SCNN1B: variants seen among roughly 807,000 people sequenced by gnomAD.
SCNN1B encodes the protein epithelial sodium channel subunit beta.
Under a neutral mutation model 65.3 loss-of-function variants are expected in SCNN1B, and 46 were observed. That is an observed-to-expected ratio of 0.70 (90% CI 0.56 to 0.90). SCNN1B has a LOEUF of 0.90. Among genes scored for constraint, SCNN1B ranks in the 40% least tolerant of loss-of-function variants. The pLI is 0.00. For missense variants in SCNN1B, 751 were observed against 830.5 expected (o/e 0.90, Z 1.18); for synonymous variants, 349 against 330.6 (o/e 1.06, Z -0.60).
intron 1 of SCNN1B, among the ~76,000 whole-genome samples, chr16:23,324,898 C>T (rs1044165620): frequency 6.6e-6 from 1 of 152,254 alleles, no homozygotes; most frequent in Non-Finnish European, 1.5e-5. Flanking sequence ...TTGGCACCCC[C>T]CCAAGTCCTC....
At chr16:23,307,721 G>A (rs1021575102) in intron 1 of SCNN1B, among the ~76,000 whole-genome samples, 2 of 152,168 alleles carry the variant, frequency 1.3e-5, no homozygotes, top group African/African-American at 2.4e-5. Context: ...GTCTCAAAGT[G>A]TAGTCCCCCC....
intron 3 of SCNN1B, chr16:23,353,290 G>T (rs1962350720): frequency 1.7e-6 from 1 of 599,760 alleles, no homozygotes; most frequent in African/African-American, 1.9e-5. Flanking sequence ...ACTAGCTTAA[G>T]CAAAACAGGC....
Position 23,348,974 on chromosome 16 carries a change from TC to T in SCNN1B, c.311+67del. The T allele has an allele frequency of 7.4e-7, 1 of 1,353,656 alleles. No homozygotes were observed. The highest frequency in any genetic ancestry group is 1.2e-5 in the South Asian group (1 of 85,172). 83.9% of individuals were successfully genotyped at this position (1,353,656 alleles called of 1,614,324 possible). The stretch of plus-strand genomic sequence containing the variant: ...AGGCGGTTCTCTTTCTCTCTTTTCT[TC>T]CCTTCTACCTTTCCTTTCCTTCCTT... On this transcript the variant is annotated intron_variant, in intron 2 of 12. Coordinates refer to ENST00000343070, the MANE Select transcript of SCNN1B (RefSeq NM_000336.3). The surrounding 1 kb of genome is among the most constrained non-coding windows in gnomAD (Gnocchi z 4.5).
intron 4 of SCNN1B, among the ~76,000 whole-genome samples, chr16:23,364,282 C>T (rs1321178569): frequency 6.6e-6 from 1 of 152,184 alleles, no homozygotes; most frequent in Non-Finnish European, 1.5e-5. Context: ...TCTAGTCCAT[C>T]ACTTTGCATA....
chr16:23,379,015 A>G (rs944739503), intron 11 of SCNN1B, among the ~76,000 whole-genome samples: 2 of 140,668 alleles, frequency 1.4e-5, no homozygotes, highest in South Asian at 2.3e-4. Context: ...CCATCCATTC[A>G]TCCTCCATCA....
At chr16:23,281,259 C>T (rs1004364348) in intron 1 of SCNN1B, among the ~76,000 whole-genome samples, 1 of 151,900 alleles carries the variant, frequency 6.6e-6, no homozygotes, top group Non-Finnish European at 1.5e-5. Context: ...ATGGTGAAAC[C>T]CCATCTCTAC....
rs1037232341 is a variant in SCNN1B, at chr16:23,304,601, G to A, written c.-9+2164G>A. ...GCAGACAGAAGGAGCTGAGAACCAC[G>A]AACCACGGACTGGCAGATTGGACTG... On this transcript the variant is annotated intron_variant, in intron 1 of 12. Transcript: ENST00000343070. 4.6e-5 allele frequency among the ~76,000 whole-genome samples: 7 copies of A among 152,292 alleles called. No homozygotes were observed. In the East Asian group the frequency reaches 9.6e-4, roughly 21 times the overall value.
chr16:23,378,094 G>A (rs1369015089), intron 10 of SCNN1B, among the ~76,000 whole-genome samples: 4 of 152,048 alleles, frequency 2.6e-5, no homozygotes, highest in Non-Finnish European at 5.9e-5. Flanking sequence ...CTGAAGCCTC[G>A]AACTCCTGGG....
intron 7 of SCNN1B, among the ~76,000 whole-genome samples, chr16:23,373,584 G>A (rs76988171): frequency 6.0e-4 from 91 of 152,216 alleles, no homozygotes; most frequent in Non-Finnish European, 9.7e-4. Context: ...ATGACCACTC[G>A]CTGATACTTC....
At chr16:23,308,635 C>A (rs539717614) in intron 1 of SCNN1B, among the ~76,000 whole-genome samples, 1 of 152,176 alleles carries the variant, frequency 6.6e-6, no homozygotes, top group African/African-American at 2.4e-5. Flanking sequence ...CTTATCTTAT[C>A]TTATTTGTTT....
chr16:23,287,811 C>CG (rs561165162), intron 2 of SCNN1B, among the ~76,000 whole-genome samples: 1 of 141,862 alleles, frequency 7.0e-6, no homozygotes, highest in Non-Finnish European at 1.5e-5. Context: ...GTAGCGTTTC[C>CG]TTTTTTTTTT....
chr16:23,353,108 G>A, intron 3 of SCNN1B, 34 bp downstream of exon 3: 1 of 1,612,350 alleles, frequency 6.2e-7, no homozygotes, highest in South Asian at 1.1e-5. Context: ...CAAGCAATGG[G>A]CCCCACCCAG....
intron 4 of SCNN1B, among the ~76,000 whole-genome samples, chr16:23,361,084 G>A (rs1300302640): frequency 6.6e-6 from 1 of 152,048 alleles, no homozygotes; most frequent in Admixed American, 6.6e-5. Flanking sequence ...ATGAGCCACT[G>A]TGCCCAGCGT....
At chr16:23,309,589 G>T (rs1961297032) in intron 1 of SCNN1B, among the ~76,000 whole-genome samples, 1 of 152,182 alleles carries the variant, frequency 6.6e-6, no homozygotes, top group Non-Finnish European at 1.5e-5. Flanking sequence ...AAGCGGGAAG[G>T]GTCCAGCATG....
At chr16:23,324,917 T>C (rs11645151) in intron 1 of SCNN1B, among the ~76,000 whole-genome samples, 29,279 of 152,252 alleles carry the variant, frequency 0.19, 3,192 homozygotes, top group Middle Eastern at 0.29. Flanking sequence ...TCTTTGTCCA[T>C]TGGGACACAA....
At chr16:23,304,120 A>G (rs1169554696) in intron 1 of SCNN1B, 3 of 1,520,616 alleles carry the variant, frequency 2.0e-6, no homozygotes, top group Non-Finnish European at 2.6e-6. Context: ...TTATTTCAGC[A>G]TCTTCTATAA....
intron 2 of SCNN1B, among the ~76,000 whole-genome samples, chr16:23,293,007 C>T (rs998571369): frequency 6.8e-6 from 1 of 147,068 alleles, no homozygotes; most frequent in African/African-American, 2.5e-5. Context: ...CCCAGGTACT[C>T]AGGAAGCTGA....
chr16:23,380,833 C>T lies in SCNN1B; in HGVS notation c.*32C>T, dbSNP rs779794543. 3 of 1,610,642 alleles carry T rather than the reference C, an allele frequency of 1.9e-6. No individual in the cohort carries two copies. Among genetic ancestry groups the T allele is most frequent in the Middle Eastern group, 4.2e-4 (2 of 4,766 alleles). ...CCCTGCCCACCCCGGGCGGCTGAAACTCACTGAGCAGCCAAGACTGTTGCC... is the reference window on the plus strand; with the variant it reads ...CCCTGCCCACCCCGGGCGGCTGAAATTCACTGAGCAGCCAAGACTGTTGCC... On this transcript the variant is annotated 3_prime_UTR_variant, in exon 13 of 13. Coordinates refer to ENST00000343070, the MANE Select transcript of SCNN1B (RefSeq NM_000336.3). This position sits in a 1 kb window ranked among gnomAD's most constrained non-coding sequence, Gnocchi z 5.4.
In SCNN1B at chr16:23,377,041, C is replaced by T. The variant is rs949675933; in HGVS notation, c.1271-124C>T. ...TGGGGAGCGGTGATTTTTCATGACA[C>T]CTCCTCCTGCCACCTAACCACAGGG... On this transcript the variant is annotated intron_variant, in intron 8 of 12. Coordinates refer to ENST00000343070, the MANE Select transcript of SCNN1B (RefSeq NM_000336.3). 8 of 859,572 alleles carry T rather than the reference C, an allele frequency of 9.3e-6. No individual in the cohort carries two copies. In the East Asian group the frequency reaches 1.1e-4, roughly 11 times the overall value. The allele number at this position is 859,572 out of a possible 1,614,324, so 53.2% of individuals were successfully genotyped here.
Sources: gnomAD v4.1 joint callset for allele counts (sites outside exome capture counted in the v4.1 genomes callset) on GRCh38, gnomAD v4.1.1 for gene constraint, Gnocchi (gnomAD v3.1) non-coding constraint, MANE v1.5 for transcripts, NCBI Gene and HGNC (gene_info 2026-07-23, HGNC 2026-07-21) for gene names.